Variants in SEMA3A observed in about 807,000 individuals in gnomAD.
The protein encoded by SEMA3A is semaphorin-3A.
SEMA3A carries 29 observed loss-of-function variants against 97.9 expected under a neutral mutation model. The ratio of observed to expected loss-of-function variants is 0.30; its 90% CI spans 0.22 to 0.40. The LOEUF (loss-of-function observed/expected upper bound fraction) is 0.40. SEMA3A is among the 10% of genes least tolerant of loss of function. The pLI, the probability that SEMA3A is intolerant of heterozygous loss-of-function variation, is 1.00. For missense variants in SEMA3A, 763 were observed against 951.3 expected, an observed-to-expected ratio of 0.80 and a Z score of 2.60; for synonymous variants, 321 against 323.7, an observed-to-expected ratio of 0.99 and a Z score of 0.09.
chr7:84,302,873 T>G (rs1801053602), intron 3 of SEMA3A, among the ~76,000 whole-genome samples: 1 of 152,266 alleles, frequency 6.6e-6, no homozygotes, highest in South Asian at 2.1e-4. Context: ...CCCAATTTCT[T>G]AATGTAAACA....
chr7:84,073,008 T>C (rs1213520051), intron 4 of SEMA3A, among the ~76,000 whole-genome samples: 1 of 152,038 alleles, frequency 6.6e-6, no homozygotes, highest in Non-Finnish European at 1.5e-5. Flanking sequence ...AACCACTATA[T>C]AAAAATGCAA....
intron 3 of SEMA3A, among the ~76,000 whole-genome samples, chr7:84,284,727 G>A (rs1306612902): frequency 6.6e-6 from 1 of 152,134 alleles, no homozygotes; most frequent in East Asian, 1.9e-4. Flanking sequence ...GGGTCATGAA[G>A]GAGGAGAATG....
intron 3 of SEMA3A, among the ~76,000 whole-genome samples, chr7:84,242,844 AG>A (rs1236381783): frequency 1.3e-5 from 2 of 152,258 alleles, no homozygotes; most frequent in African/African-American, 2.4e-5. Flanking sequence ...TTTAGCCTGA[AG>A]GGGTGTTGAA....
At chr7:83,977,307 G>C (rs1789191646) in intron 14 of SEMA3A, 111 bp from the exon 15 acceptor site, 1 of 458,250 alleles carries the variant, frequency 2.2e-6, no homozygotes, top group African/African-American at 2.0e-5. Flanking sequence ...ATAGACTCTA[G>C]TAACTTACAG....
intron 2 of SEMA3A, among the ~76,000 whole-genome samples, chr7:84,337,257 G>T (rs1802060067): frequency 6.6e-6 from 1 of 151,966 alleles, no homozygotes; most frequent in Non-Finnish European, 1.5e-5. Context: ...AATTCCCAAA[G>T]ACCTGGCAAG....
intron 4 of SEMA3A, among the ~76,000 whole-genome samples, chr7:84,075,911 G>T (rs990579038): frequency 6.6e-5 from 10 of 152,014 alleles, no homozygotes; most frequent in African/African-American, 2.4e-4. Context: ...AAAATATTAT[G>T]GTTTATCAAT....
rs552188720 is a variant in SEMA3A, at chr7:84,214,944, G to GC, written c.-82-20277dup. ...TTGAACTCCTGACCTTAGATGATCC[G>GC]CCCCCCCTTGGCCTCCCAAAGTGCT... On this transcript the variant is annotated intron_variant, in intron 3 of 3. Transcript: ENST00000424555. 3.5e-4 allele frequency among the ~76,000 whole-genome samples: 52 copies of GC among 150,068 alleles called. No homozygotes were observed. The South Asian group carries it at 5.3e-3, about 15-fold the overall frequency.
chr7:84,197,307 A>G (rs1449992813), upstream of SEMA3A, among the ~76,000 whole-genome samples: 1 of 152,136 alleles, frequency 6.6e-6, no homozygotes, highest in East Asian at 1.9e-4. Context: ...GTTTGCATTT[A>G]TATTTGCTTT....
At chr7:84,293,436 G>A (rs1422045201) in intron 3 of SEMA3A, among the ~76,000 whole-genome samples, 1 of 151,896 alleles carries the variant, frequency 6.6e-6, no homozygotes, top group African/African-American at 2.4e-5. Context: ...ACTAGGGCAA[G>A]CCATTTGTAA....
chr7:84,445,003 A>G (rs1393007783), intron 1 of SEMA3A, among the ~76,000 whole-genome samples: 1 of 152,176 alleles, frequency 6.6e-6, no homozygotes, highest in Admixed American at 6.5e-5. Context: ...TTGCTCTGAT[A>G]GAGGCTCTTT....
At chr7:83,972,716 G>GACAAAC (rs1788968614) in intron 15 of SEMA3A, among the ~76,000 whole-genome samples, 1 of 152,040 alleles carries the variant, frequency 6.6e-6, no homozygotes, top group African/African-American at 2.4e-5. Context: ...ATCTTAGTTT[G>GACAAAC]TAACAGTTAA....
At chr7:84,450,509 C>T (rs371337216) in intron 1 of SEMA3A, among the ~76,000 whole-genome samples, 7 of 152,198 alleles carry the variant, frequency 4.6e-5, no homozygotes, top group East Asian at 1.9e-4. Flanking sequence ...GAGGAACACT[C>T]ATCTGTGATG....
At chr7:84,351,533 A>G (rs1287106516) in intron 2 of SEMA3A, among the ~76,000 whole-genome samples, 1 of 152,148 alleles carries the variant, frequency 6.6e-6, no homozygotes, top group East Asian at 1.9e-4. Context: ...AAAAAAAATC[A>G]AATAATCAAA....
intron 1 of SEMA3A, among the ~76,000 whole-genome samples, chr7:84,166,476 CAGG>C (rs750009074): frequency 3.3e-4 from 50 of 150,698 alleles, no homozygotes; most frequent in Non-Finnish European, 6.8e-4. Context: ...GAGCCTAAGG[CAGG>C]AGAATTGCTT....
chr7:84,272,628 T>C lies in SEMA3A; in HGVS notation c.-83+34579A>G, dbSNP rs373372796. 5.9e-5 allele frequency among the ~76,000 whole-genome samples: 9 copies of C among 152,188 alleles called. 1 individual carries two copies. Among genetic ancestry groups the C allele is most frequent in the Admixed American group, 1.3e-4 (2 of 15,258 alleles). ...AATTCTATTGGCTCTATTTTATTCT[T>C]CAAGCTTTTATTGATTGTAAATGAG... On this transcript the variant is annotated intron_variant, in intron 3 of 3. Coordinates refer to the SEMA3A transcript ENST00000424555.
At chr7:84,290,439 G>T (rs1029900523) in intron 3 of SEMA3A, among the ~76,000 whole-genome samples, 1 of 147,982 alleles carries the variant, frequency 6.8e-6, no homozygotes. Flanking sequence ...TTTAAAAGTT[G>T]TTTTTTTTTT....
intron 1 of SEMA3A, among the ~76,000 whole-genome samples, chr7:84,424,625 A>ATT (rs1804718539): frequency 2.2e-4 from 9 of 40,620 alleles, no homozygotes; most frequent in East Asian, 1.1e-3. Context: ...ATAATATATA[A>ATT]TATATATACA....
intron 3 of SEMA3A, among the ~76,000 whole-genome samples, chr7:84,249,900 T>C (rs1799566563): frequency 6.6e-6 from 1 of 150,402 alleles, no homozygotes; most frequent in Non-Finnish European, 1.5e-5. Context: ...GCTTGCATAA[T>C]GCTCTAAGGA....
In SEMA3A at chr7:83,994,959, A is replaced by G. The variant is rs538138548; in HGVS notation, c.1452+6996T>C. ...TTGATCTCAGACTGCTGTGCTAGCA[A>G]TCAGCGAGACTCCATGGGCACAGGA... is the stretch of plus-strand genomic sequence containing the variant. On this transcript the variant is annotated intron_variant, in intron 12 of 16. Transcript: ENST00000265362. 3.2e-3 allele frequency among the ~76,000 whole-genome samples: 483 copies of G among 151,956 alleles called. 3 individuals are homozygous for G. Among genetic ancestry groups the G allele is most frequent in the African/African-American group, 0.011 (450 of 41,416 alleles).
Sources: allele counts gnomAD v4.1 joint callset (sites outside exome capture counted in the v4.1 genomes callset), GRCh38; gene constraint gnomAD v4.1.1; transcripts MANE v1.5; gene names NCBI Gene and HGNC (gene_info 2026-07-23, HGNC 2026-07-21).